The following SPATA13 variants were observed in gnomAD, a reference collection of about 807,000 sequenced individuals.
SPATA13 encodes spermatogenesis-associated protein 13.
SPATA13 carries 50 observed loss-of-function variants against 104.0 expected under a neutral mutation model. That is an observed-to-expected ratio of 0.48 (90% confidence interval 0.38 to 0.61). The LOEUF (loss-of-function observed/expected upper bound fraction) is 0.61. Among genes scored for constraint, SPATA13 ranks in the 20% least tolerant of loss-of-function variants. The pLI is 0.00. For synonymous variants in SPATA13, 606 were observed against 667.5 expected (o/e 0.91, Z 1.42); for missense variants, 1,524 against 1,690.6 (o/e 0.90, Z 1.73).
chr13:24,278,398 C>G (rs1006304631), intron 4 of SPATA13, among the ~76,000 whole-genome samples: 20 of 152,106 alleles, frequency 1.3e-4, no homozygotes. Flanking sequence ...CAGTGCCTAG[C>G]ACATTATAGG....
chr13:24,025,667 A>G (rs1380540702), intron 3 of SPATA13, among the ~76,000 whole-genome samples: 1 of 152,218 alleles, frequency 6.6e-6, no homozygotes, highest in East Asian at 1.9e-4. Context: ...TTTGGTGAAT[A>G]TAAAATGGAT....
At chr13:24,090,965 G>A (rs749166314) in intron 3 of SPATA13, among the ~76,000 whole-genome samples, 2 of 152,148 alleles carry the variant, frequency 1.3e-5, no homozygotes, top group Non-Finnish European at 1.5e-5. Context: ...AGTGACTTCT[G>A]GTCTGATTCT....
chr13:24,297,194 A>G (rs1876845508), intron 10 of SPATA13, among the ~76,000 whole-genome samples, 169 bp from the exon 11 acceptor site: 1 of 152,074 alleles, frequency 6.6e-6, no homozygotes, highest in African/African-American at 2.4e-5. Context: ...GTGTGCCACC[A>G]TGCCTGGCTA....
chr13:24,104,044 A>T (rs1880356084), intron 3 of SPATA13, among the ~76,000 whole-genome samples: 1 of 152,190 alleles, frequency 6.6e-6, no homozygotes, highest in South Asian at 2.1e-4. Flanking sequence ...ATGGGGACAT[A>T]GGAACGTTGT....
Position 24,264,732 on chromosome 13 carries a change from A to G in SPATA13, c.2164+12870A>G, listed in dbSNP as rs142707070. On this transcript the variant is annotated intron_variant, in intron 4 of 12. Coordinates refer to ENST00000382108, the MANE Select transcript of SPATA13 (RefSeq NM_001166271.3). ...CTAAGGATCTGAAAATAACCAGGTA[A>G]ATACAGAAAAGAAGTGAAATCTGTA... Among the ~76,000 whole-genome samples the G allele has an allele frequency of 5.9e-5, 9 of 152,346 alleles. No individual in the cohort carries two copies. In the East Asian group the frequency reaches 1.7e-3, roughly 29 times the overall value.
chr13:24,193,047 G>C (rs565080250), intron 1 of SPATA13, among the ~76,000 whole-genome samples: 26 of 152,342 alleles, frequency 1.7e-4, no homozygotes, highest in African/African-American at 6.0e-4. Context: ...GAGAGCCCTG[G>C]GGGGCCAGGC....
chr13:24,174,761 T>A, intron 1 of SPATA13, among the ~76,000 whole-genome samples: 1 of 152,138 alleles, frequency 6.6e-6, no homozygotes, highest in South Asian at 2.1e-4. Context: ...ATTTTTTTAG[T>A]AGAGACAGGG....
intron 3 of SPATA13, among the ~76,000 whole-genome samples, chr13:24,052,515 T>G (rs1385267056): frequency 6.6e-6 from 1 of 151,290 alleles, no homozygotes; most frequent in Admixed American, 6.6e-5. Context: ...TTTAAACCCA[T>G]GATGTGAGAC....
chr13:24,078,592 A>G (rs1879407833), intron 3 of SPATA13, among the ~76,000 whole-genome samples: 1 of 152,194 alleles, frequency 6.6e-6, no homozygotes, highest in Non-Finnish European at 1.5e-5. Context: ...TGGTGCTGAC[A>G]GCAGCAGGCC....
intron 1 of SPATA13, among the ~76,000 whole-genome samples, chr13:23,980,598 T>C (rs1874839377): frequency 6.6e-6 from 1 of 152,238 alleles, no homozygotes; most frequent in Non-Finnish European, 1.5e-5. Context: ...AGTTTTGTTT[T>C]GTTTTGTTCG....
intron 2 of SPATA13, among the ~76,000 whole-genome samples, chr13:24,234,704 G>A (rs1346197354): frequency 6.6e-6 from 1 of 152,178 alleles, no homozygotes; most frequent in Non-Finnish European, 1.5e-5. Context: ...GGAGTCAACT[G>A]GTGCAGGAAT....
At chr13:24,141,528 C>G (rs1172775938) in intron 3 of SPATA13, among the ~76,000 whole-genome samples, 1 of 152,204 alleles carries the variant, frequency 6.6e-6, no homozygotes, top group Admixed American at 6.5e-5. Flanking sequence ...CCTTCTCTCT[C>G]CTGTGATCCC....
At chr13:24,054,982 A>T (rs986071726) in intron 3 of SPATA13, among the ~76,000 whole-genome samples, 1 of 152,178 alleles carries the variant, frequency 6.6e-6, no homozygotes, top group African/African-American at 2.4e-5. Flanking sequence ...ATTATTTTAC[A>T]CTCATAATTC....
chr13:24,024,213 A>G (rs112145609), intron 3 of SPATA13, among the ~76,000 whole-genome samples: 4 of 152,230 alleles, frequency 2.6e-5, no homozygotes, highest in African/African-American at 9.6e-5. Context: ...GGCCCCATCC[A>G]CATCCACAGT....
intron 1 of SPATA13, among the ~76,000 whole-genome samples, chr13:24,204,308 C>T (rs1384905713): frequency 1.3e-5 from 2 of 152,024 alleles, no homozygotes; most frequent in East Asian, 1.9e-4. Flanking sequence ...GTTCAGAAAA[C>T]GATAGGAAAA....
At chr13:24,248,446 C>T (rs373262165) in intron 2 of SPATA13, among the ~76,000 whole-genome samples, 1 of 152,220 alleles carries the variant, frequency 6.6e-6, no homozygotes. Flanking sequence ...TTTTCTGGTA[C>T]ATTGTGTTGC....
chr13:24,134,102 G>C (rs2137838152), intron 3 of SPATA13, among the ~76,000 whole-genome samples: 1 of 152,276 alleles, frequency 6.6e-6, no homozygotes, highest in East Asian at 1.9e-4. Context: ...AAGGTAGAAT[G>C]GTACCCAGAT....
At chr13:24,147,772 GC>G (rs766910983) in intron 3 of SPATA13, among the ~76,000 whole-genome samples, 1 of 114,248 alleles carries the variant, frequency 8.8e-6, no homozygotes, top group Non-Finnish European at 2.1e-5. Context: ...CACACCCCTA[GC>G]CCCTGGCAGA....
chr13:24,105,998 C>T (rs536111921), intron 3 of SPATA13, among the ~76,000 whole-genome samples: 12 of 152,180 alleles, frequency 7.9e-5, no homozygotes, highest in Non-Finnish European at 1.3e-4. Flanking sequence ...ACGTTTCTGT[C>T]GTTTAAGCTA....
Sources: gnomAD v4.1 joint callset for allele counts (sites outside exome capture counted in the v4.1 genomes callset) on GRCh38, gnomAD v4.1.1 for gene constraint, MANE v1.5 for transcripts, NCBI Gene and HGNC (gene_info 2026-07-23, HGNC 2026-07-21) for gene names.